HECW2: variants seen among roughly 807,000 people sequenced by gnomAD.
The protein encoded by HECW2 is HECT, C2 and WW domain containing E3 ubiquitin protein ligase 2.
Under a neutral mutation model 175.2 loss-of-function variants are expected in HECW2, and 61 were observed. The ratio of observed to expected loss-of-function variants is 0.35; its 90% CI spans 0.28 to 0.43. The LOEUF is 0.43. Among genes scored for constraint, HECW2 ranks in the 20% least tolerant of loss-of-function variants. The pLI is 1.00. For synonymous variants in HECW2, 671 were observed against 731.0 expected (o/e 0.92, Z 1.32); for missense variants, 1,524 against 2,000.5 (o/e 0.76, Z 4.54).
chr2:196,581,072 A>C (rs1470336046), intron 1 of HECW2, among the ~76,000 whole-genome samples: 2 of 152,238 alleles, frequency 1.3e-5, no homozygotes, highest in Non-Finnish European at 1.5e-5. Flanking sequence ...GATTTCATTC[A>C]TACAAAATGT....
intron 24 of HECW2, 82 bp downstream of exon 24, chr2:196,222,129 A>AT (rs1687690729): frequency 2.3e-6 from 3 of 1,282,542 alleles, no homozygotes; most frequent in Admixed American, 2.1e-5. Context: ...TAAGCATCTG[A>AT]TCTTAGCCAT....
chr2:196,227,406 A>G (rs1460781536), intron 22 of HECW2, among the ~76,000 whole-genome samples: 1 of 152,232 alleles, frequency 6.6e-6, no homozygotes. Flanking sequence ...TGGGATTTTC[A>G]GCATAAATAA....
At chr2:196,242,295 C>T in intron 19 of HECW2, 91 bp from the exon 20 acceptor site, 2 of 1,521,282 alleles carry the variant, frequency 1.3e-6, no homozygotes, top group East Asian at 4.6e-5. Context: ...TCACAATCAA[C>T]AAGTCAAATG....
chr2:196,326,707 G>A (rs1692165675), intron 5 of HECW2, among the ~76,000 whole-genome samples: 1 of 152,082 alleles, frequency 6.6e-6, no homozygotes, highest in Non-Finnish European at 1.5e-5. Flanking sequence ...CTCCCAAAGT[G>A]CTGGGATTAC....
At chr2:196,450,438 C>T (rs1328710765) in intron 1 of HECW2, among the ~76,000 whole-genome samples, 1 of 151,738 alleles carries the variant, frequency 6.6e-6, no homozygotes, top group Non-Finnish European at 1.5e-5. Flanking sequence ...ATTGTCTAGT[C>T]TCCAAATCTA....
intron 1 of HECW2, among the ~76,000 whole-genome samples, chr2:196,518,468 C>A (rs1468037265): frequency 6.6e-6 from 1 of 151,784 alleles, no homozygotes; most frequent in Non-Finnish European, 1.5e-5. Context: ...CCAGCCTGGT[C>A]AACATCATGA....
intron 2 of HECW2, among the ~76,000 whole-genome samples, chr2:196,372,094 T>C (rs549758713): frequency 6.6e-6 from 1 of 152,316 alleles, no homozygotes; most frequent in East Asian, 1.9e-4. Flanking sequence ...TATCTGTGCA[T>C]TTTTGCTAAC....
intron 2 of HECW2, among the ~76,000 whole-genome samples, chr2:196,356,264 G>A (rs1693364030): frequency 6.6e-6 from 1 of 152,208 alleles, no homozygotes; most frequent in African/African-American, 2.4e-5. Flanking sequence ...TTTTAACAAT[G>A]AGGAGAGTAA....
chr2:196,570,213 C>T (rs990031682), intron 1 of HECW2, among the ~76,000 whole-genome samples: 3 of 152,168 alleles, frequency 2.0e-5, no homozygotes, highest in African/African-American at 7.2e-5. Context: ...AAAATGGATA[C>T]ACTAGATGAT....
Position 196,464,682 on chromosome 2 carries a change from G to T in HECW2, c.-35-31224C>A, listed in dbSNP as rs78169570. ...GTAATGATAGTATTTTTAAGCTCAT[G>T]TTAGGAAAAAGGATGATAAACCTCC... On this transcript the variant is annotated intron_variant, in intron 1 of 28. Transcript: ENST00000644978. Among the ~76,000 whole-genome samples the T allele has an allele frequency of 8.4e-3, 1,282 of 152,248 alleles. 17 individuals carry two copies. Among genetic ancestry groups the T allele is most frequent in the African/African-American group, 0.029 (1,215 of 41,528 alleles).
chr2:196,400,149 A>G (rs952022651), intron 2 of HECW2, among the ~76,000 whole-genome samples: 2 of 152,198 alleles, frequency 1.3e-5, no homozygotes, highest in African/African-American at 4.8e-5. Context: ...CAAATCTCAA[A>G]TTTTCAATAA....
chr2:196,266,919 G>C (rs1689539209), intron 17 of HECW2, among the ~76,000 whole-genome samples: 1 of 152,174 alleles, frequency 6.6e-6, no homozygotes, highest in African/African-American at 2.4e-5. Context: ...CTCTAGTCTG[G>C]TGAATCCTGA....
intron 2 of HECW2, among the ~76,000 whole-genome samples, chr2:196,365,170 G>C (rs1027390220): frequency 6.6e-6 from 1 of 152,204 alleles, no homozygotes; most frequent in African/African-American, 2.4e-5. Flanking sequence ...CTTAACTAAA[G>C]TAGCTCATTC....
chr2:196,544,244 G>T (rs1037243109), intron 1 of HECW2, among the ~76,000 whole-genome samples: 2 of 152,174 alleles, frequency 1.3e-5, no homozygotes, highest in African/African-American at 4.8e-5. Flanking sequence ...GGGATGGCAG[G>T]CCTCCAGCCC....
intron 5 of HECW2, among the ~76,000 whole-genome samples, chr2:196,329,078 G>A (rs1163532274): frequency 1.3e-5 from 2 of 151,678 alleles, no homozygotes; most frequent in Non-Finnish European, 2.9e-5. Context: ...AACTTGAAAA[G>A]CCGTGCTTTA....
chr2:196,350,058 G>T (rs886639847), intron 2 of HECW2, among the ~76,000 whole-genome samples: 2 of 152,104 alleles, frequency 1.3e-5, no homozygotes, highest in African/African-American at 4.8e-5. Context: ...ATGAGGGGGT[G>T]GGTGGTGCTT....
At chr2:196,567,475 T>C (rs1017156584) in intron 1 of HECW2, among the ~76,000 whole-genome samples, 17 of 152,154 alleles carry the variant, frequency 1.1e-4, no homozygotes, top group Non-Finnish European at 1.9e-4. Context: ...AAAGCAGATG[T>C]TGCTAACTGA....
chr2:196,542,362 T>C (rs1380761064), intron 1 of HECW2, among the ~76,000 whole-genome samples: 3 of 150,644 alleles, frequency 2.0e-5, no homozygotes, highest in East Asian at 3.9e-4. Context: ...ACACTGGACA[T>C]AGAGAAAGGC....
intron 2 of HECW2, among the ~76,000 whole-genome samples, chr2:196,401,319 A>G (rs1414260256): frequency 6.6e-6 from 1 of 152,226 alleles, no homozygotes; most frequent in Non-Finnish European, 1.5e-5. Flanking sequence ...ATTGATGTCT[A>G]AGGCATATTG....
Sources: gnomAD v4.1 joint callset for allele counts (sites outside exome capture counted in the v4.1 genomes callset) on GRCh38, gnomAD v4.1.1 for gene constraint, MANE v1.5 for transcripts, NCBI Gene and HGNC (gene_info 2026-07-23, HGNC 2026-07-21) for gene names.